The following ATXN8OS variants were observed in gnomAD, a reference collection of about 807,000 sequenced individuals.
The protein encoded by ATXN8OS is ATXN8 opposite strand (non-protein coding).
chr13:70,141,963 AACC>A (rs1888724627), intron 3 of ATXN8OS, among the ~76,000 whole-genome samples: 1 of 152,082 alleles, frequency 6.6e-6, no homozygotes, highest in South Asian at 2.1e-4. Flanking sequence ...GGCTCACTGC[AACC>A]TGCACCTCGC....
At chr13:70,135,429 CTTTAAT>C (rs987370356) in intron 3 of ATXN8OS, among the ~76,000 whole-genome samples, 7 of 151,836 alleles carry the variant, frequency 4.6e-5, no homozygotes, top group Non-Finnish European at 7.4e-5. Context: ...CTCTCTCTCT[CTTTAAT>C]TTTATCTTCT....
Position 70,131,040 on chromosome 13 carries a change from C to T in ATXN8OS, n.499+1156C>T, listed in dbSNP as rs80107515. The T allele has an allele frequency of 0.014, 5,395 of 398,454 alleles. 69 individuals are homozygous for T. Among genetic ancestry groups the T allele is most frequent in the Non-Finnish European group, 0.015 (3,453 of 225,972 alleles). The allele number at this position is 398,454 out of a possible 1,614,324, so 24.7% of individuals were successfully genotyped here. ...AAAGAGAGTTAGGAAGTGAAATTCTCAACAGGTGATTATTCTTTGACCAAT... is the reference window on the plus strand; with the variant it reads ...AAAGAGAGTTAGGAAGTGAAATTCTTAACAGGTGATTATTCTTTGACCAAT... On this transcript the variant is annotated intron_variant and non_coding_transcript_variant, in intron 3 of 4. Coordinates refer to ENST00000678624, the Ensembl canonical transcript of ATXN8OS.
intron 4 of ATXN8OS, among the ~76,000 whole-genome samples, chr13:70,169,307 T>C (rs1889116002): frequency 6.6e-6 from 1 of 152,140 alleles, no homozygotes; most frequent in African/African-American, 2.4e-5. Flanking sequence ...TCTTTTTGTT[T>C]GTTTTTTGAG....
chr13:70,153,016 G>A (rs1411189836), intron 4 of ATXN8OS, among the ~76,000 whole-genome samples: 2 of 36,256 alleles, frequency 5.5e-5, no homozygotes, highest in Non-Finnish European at 1.9e-4. Flanking sequence ...AGAAAAAACT[G>A]TGTGTGTGTG....
intron 4 of ATXN8OS, among the ~76,000 whole-genome samples, chr13:70,147,997 T>C (rs2137497057): frequency 6.6e-6 from 1 of 152,238 alleles, no homozygotes; most frequent in African/African-American, 2.4e-5. Context: ...TGATTGGCAG[T>C]TGGTTGAAGG....
At chr13:70,120,497 T>C (rs1353076424) in intron 2 of ATXN8OS, among the ~76,000 whole-genome samples, 1 of 152,280 alleles carries the variant, frequency 6.6e-6, no homozygotes, top group African/African-American at 2.4e-5. Flanking sequence ...GTCTATTCAG[T>C]CATGGAACAA....
chr13:70,163,709 T>A (rs550082400), intron 4 of ATXN8OS, among the ~76,000 whole-genome samples: 73 of 152,098 alleles, frequency 4.8e-4, no homozygotes, highest in Middle Eastern at 3.4e-3. Context: ...GGCTATTTTT[T>A]ACAATATGTA....
chr13:70,147,849 A>G (rs953114385), intron 4 of ATXN8OS, among the ~76,000 whole-genome samples: 1 of 152,166 alleles, frequency 6.6e-6, no homozygotes, highest in African/African-American at 2.4e-5. Flanking sequence ...TGGCTGGGAT[A>G]CAGTTTGATT....
chr13:70,153,894 C>T (rs1227639516), intron 4 of ATXN8OS, among the ~76,000 whole-genome samples: 6 of 152,000 alleles, frequency 3.9e-5, no homozygotes, highest in African/African-American at 1.2e-4. Flanking sequence ...GCCATGTTGC[C>T]CAAGCTGATC....
chr13:70,155,684 T>C (rs1566616234), intron 4 of ATXN8OS, among the ~76,000 whole-genome samples: 1 of 152,038 alleles, frequency 6.6e-6, no homozygotes, highest in African/African-American at 2.4e-5. Flanking sequence ...AAACCAAAGA[T>C]AGCAGAACCT....
At chr13:70,164,165 TC>T (rs1889046816) in intron 4 of ATXN8OS, among the ~76,000 whole-genome samples, 1 of 150,668 alleles carries the variant, frequency 6.6e-6, no homozygotes, top group African/African-American at 2.4e-5. Flanking sequence ...GTCACTTATT[TC>T]CCAATTACCA....
exon 5 of ATXN8OS, among the ~76,000 whole-genome samples, chr13:70,171,167 G>A (rs1025873625): frequency 3.3e-5 from 5 of 152,026 alleles, no homozygotes; most frequent in Non-Finnish European, 5.9e-5. Flanking sequence ...ATCGAAGTGA[G>A]GTACAGAAAC....
upstream of ATXN8OS, chr13:70,107,455 G>A (rs776644824): frequency 1.6e-5 from 26 of 1,614,080 alleles, no homozygotes; most frequent in South Asian, 5.5e-5. Flanking sequence ...GGAAGAGGAC[G>A]GGGAGGACGA....
chr13:70,164,669 T>C (rs1423638426), intron 4 of ATXN8OS, among the ~76,000 whole-genome samples: 3 of 151,998 alleles, frequency 2.0e-5, no homozygotes, highest in Non-Finnish European at 4.4e-5. Context: ...AGGATTGATA[T>C]TAACCTGCAC....
intron 4 of ATXN8OS, among the ~76,000 whole-genome samples, chr13:70,155,102 A>G (rs971059313): frequency 3.3e-5 from 5 of 152,192 alleles, no homozygotes; most frequent in African/African-American, 9.7e-5. Context: ...AGTGCATTCA[A>G]TAAAGATTCT....
intron 3 of ATXN8OS, among the ~76,000 whole-genome samples, chr13:70,139,875 T>A (rs1025325057): frequency 1.3e-5 from 2 of 152,190 alleles, no homozygotes; most frequent in Non-Finnish European, 2.9e-5. Flanking sequence ...AGCTCTGTTT[T>A]TTAATCACGA....
intron 4 of ATXN8OS, among the ~76,000 whole-genome samples, chr13:70,152,752 ATTAT>A (rs1430972031): frequency 3.9e-5 from 6 of 152,120 alleles, no homozygotes; most frequent in South Asian, 2.1e-4. Flanking sequence ...TCCAGAAGTG[ATTAT>A]TTATCACTGA....
At chr13:70,150,569 G>A (rs890922833) in intron 4 of ATXN8OS, among the ~76,000 whole-genome samples, 6 of 152,062 alleles carry the variant, frequency 3.9e-5, no homozygotes, top group Non-Finnish European at 8.8e-5. Flanking sequence ...ATATACTCTA[G>A]GAGAAGTGGT....
chr13:70,146,228 C>A (rs1313574954), intron 3 of ATXN8OS, among the ~76,000 whole-genome samples: 4 of 148,616 alleles, frequency 2.7e-5, no homozygotes, highest in African/African-American at 1.0e-4. Flanking sequence ...CATCTCACAC[C>A]AGTTAGAATG....
Sources: allele counts gnomAD v4.1 joint callset (sites outside exome capture counted in the v4.1 genomes callset), GRCh38; gene constraint gnomAD v4.1.1; transcripts MANE v1.5; gene names NCBI Gene and HGNC (gene_info 2026-07-23, HGNC 2026-07-21).